Variants in AUTS2 observed in about 807,000 individuals in gnomAD.
AUTS2 encodes autism susceptibility gene 2 protein.
Under a neutral mutation model 112.4 loss-of-function variants are expected in AUTS2, and 17 were observed. The observed-to-expected ratio is 0.15, with a 90% CI of 0.10 to 0.23. The LOEUF is 0.23. Among genes scored for constraint, AUTS2 ranks in the 10% least tolerant of loss-of-function variants. The pLI, the probability that AUTS2 is intolerant of heterozygous loss-of-function variation, is 1.00. For missense variants in AUTS2, 1,510 were observed against 1,701.6 expected, an observed-to-expected ratio of 0.89 and a Z score of 1.98; for synonymous variants, 751 against 702.7, an observed-to-expected ratio of 1.07 and a Z score of -1.09.
intron 3 of AUTS2, among the ~76,000 whole-genome samples, chr7:70,131,953 T>C (rs1806294754): frequency 6.6e-6 from 1 of 151,826 alleles, no homozygotes; most frequent in East Asian, 1.9e-4. Flanking sequence ...GAAGTCTCTT[T>C]ATTTAATAGA....
intron 4 of AUTS2, among the ~76,000 whole-genome samples, chr7:70,205,419 A>C (rs1810522361): frequency 6.6e-6 from 1 of 152,230 alleles, no homozygotes; most frequent in Admixed American, 6.5e-5. Context: ...TGCACCATAT[A>C]ACAACGTGTC....
intron 2 of AUTS2, among the ~76,000 whole-genome samples, chr7:69,953,847 A>G (rs1023419739): frequency 6.6e-6 from 1 of 152,122 alleles, no homozygotes; most frequent in Non-Finnish European, 1.5e-5. Flanking sequence ...GCTGGAAACA[A>G]GAGTTGTTTG....
chr7:69,830,856 T>C (rs912560175), intron 1 of AUTS2, among the ~76,000 whole-genome samples: 5 of 152,232 alleles, frequency 3.3e-5, no homozygotes, highest in Non-Finnish European at 5.9e-5. Flanking sequence ...AAAGTCATTT[T>C]TCATTGTTGA....
chr7:69,890,792 G>C (rs892356716), intron 1 of AUTS2, among the ~76,000 whole-genome samples: 4 of 152,042 alleles, frequency 2.6e-5, no homozygotes, highest in African/African-American at 9.7e-5. Context: ...CAACTGAGTT[G>C]TCTCCAGTGG....
At chr7:70,494,580 C>T (rs143240687) in intron 5 of AUTS2, among the ~76,000 whole-genome samples, 120 of 152,214 alleles carry the variant, frequency 7.9e-4, no homozygotes, top group African/African-American at 2.8e-3. Flanking sequence ...CGCCCCTCCC[C>T]CCCGACACTC....
At chr7:69,732,931 G>T (rs1160103016) in intron 1 of AUTS2, among the ~76,000 whole-genome samples, 1 of 152,150 alleles carries the variant, frequency 6.6e-6, no homozygotes, top group Non-Finnish European at 1.5e-5. Flanking sequence ...CTAGTGGACA[G>T]AAAAAGGTAA....
intron 1 of AUTS2, among the ~76,000 whole-genome samples, chr7:69,808,220 T>TCC (rs1175786887): frequency 6.6e-6 from 1 of 152,156 alleles, no homozygotes; most frequent in African/African-American, 2.4e-5. Flanking sequence ...GCCACCGCAC[T>TCC]CCGGCCAAGG....
At chr7:69,602,040 A>ATATGTGTGTG (rs1474403063) in intron 1 of AUTS2, among the ~76,000 whole-genome samples, 3 of 46,248 alleles carry the variant, frequency 6.5e-5, no homozygotes, top group Non-Finnish European at 9.2e-5. Flanking sequence ...ATATATATAT[A>ATATGTGTGTG]TGTGTGTGTG....
intron 2 of AUTS2, among the ~76,000 whole-genome samples, chr7:70,054,092 A>T (rs1297967623): frequency 1.3e-5 from 2 of 152,182 alleles, no homozygotes; most frequent in African/African-American, 4.8e-5. Context: ...GCACTATTCA[A>T]TTCGGTAGCT....
chr7:70,157,817 A>C (rs930019572), intron 4 of AUTS2, among the ~76,000 whole-genome samples: 1 of 151,974 alleles, frequency 6.6e-6, no homozygotes, highest in Non-Finnish European at 1.5e-5. Flanking sequence ...GGGGACTTTG[A>C]AAATTCCACC....
chr7:69,732,267 CATTT>C (rs1281522592), intron 1 of AUTS2, among the ~76,000 whole-genome samples: 1 of 152,068 alleles, frequency 6.6e-6, no homozygotes, highest in Non-Finnish European at 1.5e-5. Context: ...TAGTATAAAA[CATTT>C]GCTGCTTGCT....
At chr7:70,597,071 A>T (rs146290386) in intron 5 of AUTS2, among the ~76,000 whole-genome samples, 3 of 152,352 alleles carry the variant, frequency 2.0e-5, no homozygotes, top group Admixed American at 6.5e-5. Flanking sequence ...TAGGAATTAA[A>T]TAACCAGTGT....
chr7:70,779,853 TAGAG>T (rs1230629626), intron 14 of AUTS2, among the ~76,000 whole-genome samples: 3 of 151,874 alleles, frequency 2.0e-5, no homozygotes, highest in East Asian at 3.9e-4. Context: ...CTGGGCAACA[TAGAG>T]AGAGAGACCT....
intron 4 of AUTS2, among the ~76,000 whole-genome samples, chr7:70,193,469 T>C (rs2129583880): frequency 6.6e-6 from 1 of 152,322 alleles, no homozygotes; most frequent in Admixed American, 6.5e-5. Context: ...CTACATAGTA[T>C]CCTCATTTTA....
At chr7:70,358,170 G>A (rs970240205) in intron 4 of AUTS2, among the ~76,000 whole-genome samples, 1 of 152,138 alleles carries the variant, frequency 6.6e-6, no homozygotes, top group South Asian at 2.1e-4. Flanking sequence ...CACCAGTTAT[G>A]CCAATAGTAT....
chr7:70,647,842 C>G (rs1400330888), intron 5 of AUTS2, among the ~76,000 whole-genome samples: 4 of 152,234 alleles, frequency 2.6e-5, no homozygotes, highest in Non-Finnish European at 4.4e-5. Context: ...TTCTTTGGAA[C>G]TCAGACCATC....
intron 6 of AUTS2, among the ~76,000 whole-genome samples, chr7:70,745,097 A>T (rs1788371139): frequency 1.3e-5 from 2 of 151,990 alleles, no homozygotes; most frequent in African/African-American, 4.8e-5. Context: ...AAAAGTCCTT[A>T]TTATACGTTT....
At chr7:70,645,614 ATGTATCT>A (rs1430909197) in intron 5 of AUTS2, among the ~76,000 whole-genome samples, 1 of 152,024 alleles carries the variant, frequency 6.6e-6, no homozygotes, top group Non-Finnish European at 1.5e-5. Context: ...AAGGCAAGAG[ATGTATCT>A]TGCCTTCCCT....
At chr7:70,740,528 C>T (rs1788040555) in intron 6 of AUTS2, among the ~76,000 whole-genome samples, 1 of 152,146 alleles carries the variant, frequency 6.6e-6, no homozygotes, top group South Asian at 2.1e-4. Context: ...TATTCCTCTT[C>T]TCTCTTCAAC....
Sources: allele counts gnomAD v4.1 joint callset (sites outside exome capture counted in the v4.1 genomes callset), GRCh38; gene constraint gnomAD v4.1.1; transcripts MANE v1.5; gene names NCBI Gene and HGNC (gene_info 2026-07-23, HGNC 2026-07-21).